EZH2: variants seen among roughly 807,000 people sequenced by gnomAD.
EZH2 encodes the protein histone-lysine N-methyltransferase EZH2.
In EZH2, 18 loss-of-function variants were observed where a neutral mutation model predicts 98.4. The observed-to-expected ratio is 0.18, with a 90% confidence interval of 0.13 to 0.27. EZH2 has a LOEUF of 0.27. Among genes scored for constraint, EZH2 ranks in the 10% least tolerant of loss-of-function variants. EZH2 has a pLI of 1.00. For missense variants in EZH2, 470 were observed against 935.1 expected (o/e 0.50, Z 6.49); for synonymous variants, 338 against 312.3 (o/e 1.08, Z -0.87).
intron 8 of EZH2, among the ~76,000 whole-genome samples, chr7:148,822,162 C>A (rs1228520599): frequency 6.6e-6 from 1 of 152,082 alleles, no homozygotes; most frequent in Non-Finnish European, 1.5e-5. Context: ...GTGAGAAACG[C>A]TTTATAATCT....
chr7:148,809,918 C>A (rs1217330821), intron 17 of EZH2, among the ~76,000 whole-genome samples: 1 of 152,266 alleles, frequency 6.6e-6, no homozygotes, highest in African/African-American at 2.4e-5. Flanking sequence ...AGCTGCCTTT[C>A]CTCTCAGTCC....
intron 1 of EZH2, among the ~76,000 whole-genome samples, chr7:148,867,053 G>A (rs962092930): frequency 2.6e-5 from 4 of 151,256 alleles, no homozygotes; most frequent in African/African-American, 7.3e-5. Flanking sequence ...TTGGCCAGGC[G>A]TGGTGGCTCA....
chr7:148,861,261 C>G (rs925809039), intron 1 of EZH2, among the ~76,000 whole-genome samples: 1 of 146,678 alleles, frequency 6.8e-6, no homozygotes, highest in Admixed American at 6.9e-5. Flanking sequence ...GAGTCTCACT[C>G]TGTCACCCAG....
chr7:148,838,190 T>A (rs1034466398), intron 3 of EZH2, among the ~76,000 whole-genome samples: 2 of 148,662 alleles, frequency 1.3e-5, no homozygotes, highest in African/African-American at 4.9e-5. Context: ...CACCTCAGCC[T>A]CCCGAGTAGC....
chr7:148,878,893 T>C (rs1218507997), intron 1 of EZH2, among the ~76,000 whole-genome samples: 1 of 145,854 alleles, frequency 6.9e-6, no homozygotes, highest in Non-Finnish European at 1.5e-5. Flanking sequence ...CAAGACCCTG[T>C]CTCCAAAAAA....
At chr7:148,817,533 A>T (rs781762766) in intron 10 of EZH2, 142 bp from the exon 11 acceptor site, 17 of 776,468 alleles carry the variant, frequency 2.2e-5, no homozygotes, top group Admixed American at 1.2e-4. Flanking sequence ...ATCGTAGTTC[A>T]CATTTTCCAA....
intron 3 of EZH2, among the ~76,000 whole-genome samples, chr7:148,833,418 C>G (rs1409281302): frequency 1.3e-5 from 2 of 150,930 alleles, no homozygotes; most frequent in Non-Finnish European, 2.9e-5. Flanking sequence ...GATCGCGCCA[C>G]TGCACTCCAG....
At chr7:148,865,698 G>C (rs976184336) in intron 1 of EZH2, among the ~76,000 whole-genome samples, 3 of 152,174 alleles carry the variant, frequency 2.0e-5, no homozygotes, top group Admixed American at 1.3e-4. Context: ...GGGTAACTTT[G>C]CCTACATGCT....
intron 1 of EZH2, among the ~76,000 whole-genome samples, chr7:148,862,331 T>C (rs753553912): frequency 6.6e-6 from 1 of 152,226 alleles, no homozygotes; most frequent in South Asian, 2.1e-4. Flanking sequence ...TTTCCAGAAG[T>C]TGGCATATTT....
chr7:148,820,080 A>G (rs1015406343), intron 8 of EZH2, among the ~76,000 whole-genome samples: 6 of 152,178 alleles, frequency 3.9e-5, no homozygotes, highest in African/African-American at 1.4e-4. Context: ...CAATTTCTTG[A>G]TTTCTAAAGA....
At chr7:148,850,586 T>A (rs1815470844) in intron 1 of EZH2, 1 of 209,960 alleles carries the variant, frequency 4.8e-6, no homozygotes, top group Non-Finnish European at 8.3e-6. Flanking sequence ...CAAAACAAAC[T>A]CCCACCATCA....
intron 1 of EZH2, among the ~76,000 whole-genome samples, chr7:148,873,159 G>A (rs1819656984): frequency 6.6e-6 from 1 of 151,902 alleles, no homozygotes. Context: ...CTCCAGCCTG[G>A]GCAACAGAGT....
At position 148,834,207 on chromosome 7, in the gene EZH2, TAA is replaced by T. The variant is rs556714242; in HGVS notation, c.247-1459_247-1458del. 8.9e-4 allele frequency among the ~76,000 whole-genome samples: 135 copies of T among 152,238 alleles called. 6 individuals carry two copies. The South Asian group carries it at 0.019, about 22-fold the overall frequency. ...CCCTGTCTACGAATCCGAGATTCCT[TAA>T]AGAGTACTACTGCCCAGGTGTAAGT... On this transcript the variant is annotated intron_variant, in intron 3 of 19. Coordinates refer to ENST00000320356, the MANE Select transcript of EZH2 (RefSeq NM_004456.5).
intron 1 of EZH2, among the ~76,000 whole-genome samples, chr7:148,867,845 G>A (rs1344171752): frequency 6.6e-6 from 1 of 152,234 alleles, no homozygotes; most frequent in African/African-American, 2.4e-5. Flanking sequence ...GCTGCTTTTA[G>A]AAATTTCTTC....
intron 1 of EZH2, among the ~76,000 whole-genome samples, chr7:148,854,330 G>C (rs1816420318): frequency 6.6e-6 from 1 of 151,744 alleles, no homozygotes; most frequent in African/African-American, 2.4e-5. Flanking sequence ...CAGCTACTCG[G>C]GATGCTGAGG....
At chr7:148,818,151 G>A in intron 9 of EZH2, 34 bp from the exon 10 acceptor site, 2 of 1,513,044 alleles carry the variant, frequency 1.3e-6, no homozygotes, top group Non-Finnish European at 1.8e-6. Flanking sequence ...TCAGGGCAAA[G>A]TTCTAAAACT....
chr7:148,815,445 A>G (rs1214771416), intron 13 of EZH2, 61 bp downstream of exon 13: 1 of 1,522,400 alleles, frequency 6.6e-7, no homozygotes, highest in Non-Finnish European at 9.1e-7. Flanking sequence ...CTATTCTAAA[A>G]CAAATGAAAA....
chr7:148,870,751 G>A (rs1021039747), intron 1 of EZH2, among the ~76,000 whole-genome samples: 2 of 150,686 alleles, frequency 1.3e-5, no homozygotes, highest in Non-Finnish European at 3.0e-5. Flanking sequence ...CCAACATGGT[G>A]AAACCCCGAC....
chr7:148,824,161 A>AAAAATTAGCTGGACGTGGTGGCGGGCGCC (rs552483562), intron 8 of EZH2, among the ~76,000 whole-genome samples: 7,823 of 151,606 alleles, frequency 0.052, 272 homozygotes, highest in Middle Eastern at 0.082. Flanking sequence ...CTAAAAATAC[A>AAAAATTAGCTGGACGTGGTGGCGGGCGCC]AAAATTAGCT....
Sources: gnomAD v4.1 joint callset for allele counts (sites outside exome capture counted in the v4.1 genomes callset) on GRCh38, gnomAD v4.1.1 for gene constraint, MANE v1.5 for transcripts, NCBI Gene and HGNC (gene_info 2026-07-23, HGNC 2026-07-21) for gene names.